Variants in ARSB observed in about 807,000 individuals in gnomAD.
ARSB encodes arylsulfatase B, also known as N-acetylgalactosamine-4-sulfatase.
Under a neutral mutation model 50.9 loss-of-function variants are expected in ARSB, and 41 were observed. That is an observed-to-expected ratio of 0.81 (90% confidence interval 0.63 to 1.04). The LOEUF is 1.04. Ranked by LOEUF, ARSB falls within the 50% of genes least tolerant of loss-of-function variation. The pLI is 0.00. For missense variants in ARSB, 672 were observed against 693.3 expected (o/e 0.97, Z 0.35); for synonymous variants, 269 against 284.8 (o/e 0.94, Z 0.56).
At chr5:78,978,969 T>C (rs1752785104) in intron 1 of ARSB, among the ~76,000 whole-genome samples, 1 of 152,032 alleles carries the variant, frequency 6.6e-6, no homozygotes, top group Non-Finnish European at 1.5e-5. Context: ...CAAAGAAAAA[T>C]AGGTAAGTTG....
chr5:78,866,993 T>C (rs1395245840), intron 5 of ARSB, among the ~76,000 whole-genome samples: 1 of 152,158 alleles, frequency 6.6e-6, no homozygotes, highest in Non-Finnish European at 1.5e-5. Context: ...GGGCGAGGCA[T>C]TGCCTCACCT....
At chr5:78,901,196 A>C (rs890264306) in intron 4 of ARSB, among the ~76,000 whole-genome samples, 1 of 152,102 alleles carries the variant, frequency 6.6e-6, no homozygotes, top group Admixed American at 6.6e-5. Flanking sequence ...CCTCATCTTC[A>C]GGTCAGTTTA....
intron 5 of ARSB, among the ~76,000 whole-genome samples, chr5:78,861,570 T>A (rs1295621270): frequency 1.3e-5 from 2 of 152,178 alleles, no homozygotes; most frequent in African/African-American, 4.8e-5. Context: ...CAATGCTTCA[T>A]GCTAAAAACT....
intron 6 of ARSB, among the ~76,000 whole-genome samples, chr5:78,833,748 C>T (rs1333023978): frequency 6.6e-6 from 1 of 152,184 alleles, no homozygotes; most frequent in Non-Finnish European, 1.5e-5. Context: ...CTTTATAAAT[C>T]TCTATTTGTC....
At chr5:78,839,510 T>C (rs535717043) in intron 5 of ARSB, 84 bp from the exon 6 acceptor site, 11 of 1,297,654 alleles carry the variant, frequency 8.5e-6, no homozygotes, top group African/African-American at 4.4e-5. Flanking sequence ...CTTGTACTTA[T>C]AGGAAATAAC....
chr5:78,846,617 T>C (rs1393374010), intron 5 of ARSB, among the ~76,000 whole-genome samples: 1 of 152,220 alleles, frequency 6.6e-6, no homozygotes, highest in Non-Finnish European at 1.5e-5. Context: ...GCAACTTTAC[T>C]GAATTTGTTT....
intron 5 of ARSB, among the ~76,000 whole-genome samples, chr5:78,864,917 T>C (rs10040460): frequency 0.13 from 20,270 of 152,252 alleles, 1,672 homozygotes; most frequent in Non-Finnish European, 0.19. Context: ...CAGGTCACGC[T>C]GATGCAAGAG....
Position 78,985,257 on chromosome 5 carries a change from G to T in ARSB, c.-9C>A. On this transcript the variant is annotated 5_prime_UTR_variant, in exon 1 of 8. Transcript: ENST00000264914. ...GCGCCGCGCGGACCCATCCTTGTCC[G>T]CCCGCGGTCCCAGCGCCTGTGGCGC... 7.7e-7 allele frequency: 1 copy of T among 1,302,964 alleles called. No individual in the cohort carries two copies. Among genetic ancestry groups the T allele is most frequent in the African/African-American group, 1.5e-5 (1 of 64,518 alleles). The allele number at this position is 1,302,964 out of a possible 1,614,324, so 80.7% of individuals were successfully genotyped here.
chr5:78,780,537 A>G lies in ARSB; in HGVS notation c.1462T>C (p.Ser488Pro), dbSNP rs1343183717. 6.2e-7 allele frequency: 1 copy of G among 1,614,140 alleles called. No individual in the cohort carries two copies. Among genetic ancestry groups the G allele is most frequent in the Non-Finnish European group, 8.5e-7 (1 of 1,180,024 alleles). The change falls in exon 8 of 8, where the codon TCC (serine) becomes CCC (proline). Residue 488 changes from serine to proline, a missense_variant. Ser to Pro is a moderately conservative substitution (Grantham distance 74). Coordinates refer to ENST00000264914, the MANE Select transcript of ARSB (RefSeq NM_000046.5). ...DRDPEERHDL[S>P]REYPHIVTKL... ...GTGACGATGTGAGGATATTCTCTGGACAGGTCATGTCTTTCTTCAGGGTCC... is the reference window on the plus strand; with the variant it reads ...GTGACGATGTGAGGATATTCTCTGGGCAGGTCATGTCTTTCTTCAGGGTCC...
intron 4 of ARSB, among the ~76,000 whole-genome samples, chr5:78,947,381 T>A (rs905913642): frequency 1.3e-5 from 2 of 152,010 alleles, no homozygotes; most frequent in African/African-American, 4.8e-5. Flanking sequence ...AACTATCCAT[T>A]TGACAAGGGA....
intron 7 of ARSB, among the ~76,000 whole-genome samples, chr5:78,781,127 T>A (rs918954862): frequency 7.2e-5 from 11 of 152,204 alleles, no homozygotes; most frequent in Non-Finnish European, 1.5e-4. Context: ...GAGAATATAA[T>A]CAGAGGAGCA....
At chr5:78,797,954 T>G (rs898527725) in intron 6 of ARSB, among the ~76,000 whole-genome samples, 3 of 152,072 alleles carry the variant, frequency 2.0e-5, no homozygotes, top group African/African-American at 7.2e-5. Context: ...GGAGTTAGAC[T>G]AGAAGAAGGC....
At position 78,885,534 on chromosome 5, in the gene ARSB, C is replaced by T. The variant is rs766168716; in HGVS notation, c.1142+50G>A. ...ATCATTCTTGCTCAATGGAGTCAGG[C>T]TGCTCTTGGAGTTTCTGTCCTGGGA... On this transcript the variant is annotated intron_variant, in intron 5 of 7. Transcript: ENST00000264914. The T allele has an allele frequency of 3.7e-6, 6 of 1,603,512 alleles. No homozygotes were observed. The South Asian group carries it at 6.6e-5, about 18-fold the overall frequency.
chr5:78,807,889 C>T (rs917464887), intron 6 of ARSB, among the ~76,000 whole-genome samples: 2 of 151,546 alleles, frequency 1.3e-5, no homozygotes, highest in Admixed American at 1.3e-4. Context: ...GTCAGGAGAT[C>T]GAGACCATCC....
intron 4 of ARSB, among the ~76,000 whole-genome samples, chr5:78,913,107 G>A (rs1392778440): frequency 6.9e-6 from 1 of 144,436 alleles, no homozygotes; most frequent in Non-Finnish European, 1.5e-5. Context: ...CTTTTAAAAT[G>A]TAGTTTTAAT....
intron 4 of ARSB, among the ~76,000 whole-genome samples, chr5:78,889,508 T>C (rs1006134494): frequency 1.3e-5 from 2 of 152,180 alleles, no homozygotes; most frequent in Non-Finnish European, 2.9e-5. Context: ...TTCAGGGAGA[T>C]GGTTTTGCAG....
chr5:78,809,368 A>G (rs1743711412), intron 6 of ARSB, among the ~76,000 whole-genome samples: 1 of 152,256 alleles, frequency 6.6e-6, no homozygotes, highest in Admixed American at 6.5e-5. Context: ...GAACAGCATG[A>G]GGAAAAGCAC....
At chr5:78,934,697 G>A (rs1381272643) in intron 4 of ARSB, among the ~76,000 whole-genome samples, 1 of 152,052 alleles carries the variant, frequency 6.6e-6, no homozygotes, top group Non-Finnish European at 1.5e-5. Flanking sequence ...GGTGGAGGCT[G>A]AGGCAGGAGA....
chr5:78,947,123 T>C (rs878945770), intron 4 of ARSB, among the ~76,000 whole-genome samples: 1 of 152,002 alleles, frequency 6.6e-6, no homozygotes, highest in Non-Finnish European at 1.5e-5. Context: ...TATAGAAAAA[T>C]CAAATCAAAA....
Sources: gnomAD v4.1 joint callset for allele counts (sites outside exome capture counted in the v4.1 genomes callset) on GRCh38, gnomAD v4.1.1 for gene constraint, MANE v1.5 for transcripts, NCBI Gene and HGNC (gene_info 2026-07-23, HGNC 2026-07-21) for gene names.